CEP128: variants seen among roughly 807,000 people sequenced by gnomAD.
CEP128 encodes the protein centrosomal protein 128kDa.
In CEP128, 132 loss-of-function variants were observed where a neutral mutation model predicts 156.7. The observed-to-expected ratio is 0.84, with a 90% confidence interval of 0.73 to 0.97. The LOEUF (loss-of-function observed/expected upper bound fraction) is 0.97. Among genes scored for constraint, CEP128 ranks in the 50% least tolerant of loss-of-function variants. The probability of loss-of-function intolerance (pLI) is 0.00; values close to 1 mark genes in which losing one functional copy is unlikely to be tolerated. For synonymous variants in CEP128, 469 were observed against 448.9 expected, an observed-to-expected ratio of 1.04 and a Z score of -0.57; for missense variants, 1,252 against 1,281.9, an observed-to-expected ratio of 0.98 and a Z score of 0.36.
intron 13 of CEP128, among the ~76,000 whole-genome samples, chr14:80,811,716 G>A (rs1566643666): frequency 6.7e-6 from 1 of 149,252 alleles, no homozygotes; most frequent in Non-Finnish European, 1.5e-5. Flanking sequence ...TGAGAGTGTG[G>A]GTGTGTTTGT....
intron 20 of CEP128, among the ~76,000 whole-genome samples, chr14:80,573,225 T>A (rs1302164862): frequency 1.3e-5 from 2 of 152,126 alleles, no homozygotes; most frequent in African/African-American, 4.8e-5. Context: ...TCGCCCAGCC[T>A]TTTTTACTAC....
At chr14:80,877,437 A>G (rs1888335255) in intron 8 of CEP128, among the ~76,000 whole-genome samples, 1 of 152,184 alleles carries the variant, frequency 6.6e-6, no homozygotes, top group Non-Finnish European at 1.5e-5. Context: ...AAATTCAAGA[A>G]ATAAGTTGTA....
At chr14:80,652,499 A>G (rs1306705905) in intron 19 of CEP128, among the ~76,000 whole-genome samples, 7 of 152,158 alleles carry the variant, frequency 4.6e-5, no homozygotes, top group African/African-American at 1.2e-4. Flanking sequence ...AATTTACAAG[A>G]AAAAAACAAC....
intron 19 of CEP128, among the ~76,000 whole-genome samples, chr14:80,633,362 A>G (rs1894045599): frequency 6.6e-6 from 1 of 152,186 alleles, no homozygotes; most frequent in Non-Finnish European, 1.5e-5. Flanking sequence ...TAAATATTTC[A>G]TATCTCTGTC....
intron 24 of CEP128, among the ~76,000 whole-genome samples, chr14:80,502,387 G>C (rs922540763): frequency 2.0e-5 from 3 of 152,118 alleles, no homozygotes; most frequent in Non-Finnish European, 4.4e-5. Flanking sequence ...GTGTTTGTTG[G>C]GTGGGCCTGG....
Position 80,836,248 on chromosome 14 carries a change from T to C in CEP128, c.1014A>G (p.Ser338=). The C allele has an allele frequency of 6.2e-7, 1 of 1,614,056 alleles. No homozygotes were observed. Among genetic ancestry groups the C allele is most frequent in the Non-Finnish European group, 8.5e-7 (1 of 1,179,930 alleles). The part of the protein sequence containing the change: ...HQVSQISKQQ[S]NYQDEQGEDW... ...CCTCCCCTTGTTCATCCTGATAGTT[T>C]GACTGTTGCTTGGAAATCTGAGATA... Residue 338 remains serine (S), a synonymous_variant, in exon 12 of 25, where the codon TCA becomes TCG. Transcript: ENST00000555265.
At position 80,706,422 on chromosome 14, in the gene CEP128, C is replaced by CGT. The variant is rs577805763; in HGVS notation, c.2806+36651_2806+36652dup. ...AGTATTCCTCAGTTTTACTTGTACTCGTGTGTGTGTGTGTGTATGTGTGTG... is the reference window on the plus strand; with the variant it reads ...AGTATTCCTCAGTTTTACTTGTACTCGTGTGTGTGTGTGTGTGTATGTGTGTG... On this transcript the variant is annotated intron_variant, in intron 19 of 24. Coordinates refer to ENST00000555265, the MANE Select transcript of CEP128 (RefSeq NM_152446.5). Among the ~76,000 whole-genome samples the CGT allele has an allele frequency of 1.2e-3, 187 of 150,424 alleles. 5 individuals carry two copies. The South Asian group carries it at 0.027, about 22-fold the overall frequency.
At chr14:80,802,550 G>A (rs1464550700) in intron 13 of CEP128, among the ~76,000 whole-genome samples, 1 of 149,948 alleles carries the variant, frequency 6.7e-6, no homozygotes. Flanking sequence ...GGGAGTGGGG[G>A]GTGAGGGGAG....
At chr14:80,846,154 G>A (rs1262951927) in intron 9 of CEP128, among the ~76,000 whole-genome samples, 1 of 152,096 alleles carries the variant, frequency 6.6e-6, no homozygotes, top group Non-Finnish European at 1.5e-5. Context: ...AGTACACATA[G>A]CAAAGTAAAA....
At chr14:80,502,712 TC>T (rs1419120163) in intron 24 of CEP128, among the ~76,000 whole-genome samples, 1 of 152,168 alleles carries the variant, frequency 6.6e-6, no homozygotes, top group Non-Finnish European at 1.5e-5. Context: ...TTAATGATAT[TC>T]TTTAAAACAT....
intron 19 of CEP128, among the ~76,000 whole-genome samples, chr14:80,726,190 C>T (rs545225409): frequency 3.9e-5 from 6 of 152,280 alleles, no homozygotes; most frequent in South Asian, 2.1e-4. Context: ...GCTTCAGGAG[C>T]TTATAACCTT....
Position 80,704,468 on chromosome 14 carries a change from CATAT to C in CEP128, c.2806+38603_2806+38606del, listed in dbSNP as rs1261018133. 3.3e-5 allele frequency among the ~76,000 whole-genome samples: 5 copies of C among 151,712 alleles called. No individual in the cohort carries two copies. In the East Asian group the frequency reaches 5.8e-4, roughly 18 times the overall value. On this transcript the variant is annotated intron_variant, in intron 19 of 24. Coordinates refer to ENST00000555265, the MANE Select transcript of CEP128 (RefSeq NM_152446.5). The stretch of plus-strand genomic sequence containing the variant: ...CATTTTCATATTTTCTATATATAAA[CATAT>C]GTGTGTAGAATATGTACACATTAGA...
At chr14:80,745,499 ACAT>A (rs1041273789) in intron 18 of CEP128, among the ~76,000 whole-genome samples, 3 of 152,202 alleles carry the variant, frequency 2.0e-5, no homozygotes, top group Admixed American at 6.5e-5. Context: ...TTAGGGACAA[ACAT>A]CATATGATTA....
At chr14:80,766,020 A>ATATT (rs754707103) in intron 16 of CEP128, among the ~76,000 whole-genome samples, 399 of 152,354 alleles carry the variant, frequency 2.6e-3, no homozygotes, top group Non-Finnish European at 3.6e-3. Context: ...AATGAGCCTT[A>ATATT]TCATAAATGA....
intron 4 of CEP128, 76 bp from the exon 5 acceptor site, chr14:80,906,157 C>A: frequency 8.7e-7 from 1 of 1,154,066 alleles, no homozygotes; most frequent in Non-Finnish European, 1.1e-6. Flanking sequence ...CACAGATTTT[C>A]AAAGCTATTT....
At chr14:80,639,654 C>A (rs537763935) in intron 19 of CEP128, among the ~76,000 whole-genome samples, 2 of 152,218 alleles carry the variant, frequency 1.3e-5, no homozygotes, top group African/African-American at 4.8e-5. Context: ...TATTGAAAAT[C>A]ATATTCTTAG....
chr14:80,856,407 A>G (rs1887159516), intron 9 of CEP128, among the ~76,000 whole-genome samples: 1 of 152,176 alleles, frequency 6.6e-6, no homozygotes, highest in South Asian at 2.1e-4. Flanking sequence ...GCAAGTTGGG[A>G]AGCTGAGACA....
intron 9 of CEP128, among the ~76,000 whole-genome samples, chr14:80,851,326 T>C (rs946075262): frequency 2.6e-5 from 4 of 152,076 alleles, no homozygotes; most frequent in Non-Finnish European, 5.9e-5. Flanking sequence ...TAGAGTAATA[T>C]GATACATGAC....
In CEP128 at chr14:80,862,640, A is replaced by T. The variant is rs1042714226; in HGVS notation, c.762+117T>A. On this transcript the variant is annotated intron_variant, in intron 9 of 24. Transcript: ENST00000555265. ...TACACTGAACTATAACCAATATGTGATATTAATACTTCTCAGATGGGTTGA... is the reference window on the plus strand; with the variant it reads ...TACACTGAACTATAACCAATATGTGTTATTAATACTTCTCAGATGGGTTGA... 1.8e-5 allele frequency: 13 copies of T among 716,798 alleles called. No individual in the cohort carries two copies. In the African/African-American group the frequency reaches 1.9e-4, roughly 11 times the overall value. 44.4% of individuals were successfully genotyped at this position (716,798 alleles called of 1,614,324 possible). A position where few individuals can be genotyped will look rare whatever the true frequency, so the allele number is the denominator to read the frequency against.
Sources: allele counts gnomAD v4.1 joint callset (sites outside exome capture counted in the v4.1 genomes callset), GRCh38; gene constraint gnomAD v4.1.1; transcripts MANE v1.5; gene names NCBI Gene and HGNC (gene_info 2026-07-23, HGNC 2026-07-21).